FAF1: variants seen among roughly 807,000 people sequenced by gnomAD.
FAF1 encodes Fas associated factor 1.
In FAF1, 25 loss-of-function variants were observed where a neutral mutation model predicts 92.5. The ratio of observed to expected loss-of-function variants is 0.27; its 90% confidence interval spans 0.20 to 0.38. The LOEUF (loss-of-function observed/expected upper bound fraction) is 0.38, where lower values mean the gene tolerates loss of function less well. Ranked by LOEUF, FAF1 falls within the 10% of genes least tolerant of loss-of-function variation. The pLI is 1.00. For synonymous variants in FAF1, 234 were observed against 273.2 expected, an observed-to-expected ratio of 0.86 and a Z score of 1.42; for missense variants, 636 against 793.3, an observed-to-expected ratio of 0.80 and a Z score of 2.38.
intron 1 of FAF1, among the ~76,000 whole-genome samples, chr1:50,913,376 T>C (rs979821258): frequency 1.3e-5 from 2 of 152,162 alleles, no homozygotes; most frequent in Admixed American, 1.3e-4. Context: ...AATAAGAAAA[T>C]ACAAGCTTAA....
chr1:50,700,017 TTAA>T (rs2124413134), intron 7 of FAF1, among the ~76,000 whole-genome samples: 1 of 152,232 alleles, frequency 6.6e-6, no homozygotes, highest in East Asian at 1.9e-4. Context: ...TTCATGGTGC[TTAA>T]ATAGCGCACT....
intron 8 of FAF1, among the ~76,000 whole-genome samples, chr1:50,603,858 G>T (rs918305517): frequency 2.6e-5 from 4 of 152,084 alleles, no homozygotes; most frequent in African/African-American, 9.7e-5. Context: ...GGAACCAACA[G>T]AATATTAAAA....
At chr1:50,800,030 CAT>C (rs1278946988) in intron 3 of FAF1, among the ~76,000 whole-genome samples, 1 of 152,106 alleles carries the variant, frequency 6.6e-6, no homozygotes, top group Non-Finnish European at 1.5e-5. Flanking sequence ...CTCATGTAGA[CAT>C]ATGTTTCATT....
intron 18 of FAF1, among the ~76,000 whole-genome samples, chr1:50,442,120 T>A (rs1646175607): frequency 6.6e-6 from 1 of 152,160 alleles, no homozygotes; most frequent in Admixed American, 6.5e-5. Context: ...ATATGAACTA[T>A]TGAAAGTCAA....
chr1:50,487,247 G>C, intron 17 of FAF1, among the ~76,000 whole-genome samples: 1 of 152,116 alleles, frequency 6.6e-6, no homozygotes, highest in Non-Finnish European at 1.5e-5. Flanking sequence ...CTGATGTTAC[G>C]CACAAAGTAA....
chr1:50,464,073 C>A (rs914328513), intron 18 of FAF1, among the ~76,000 whole-genome samples: 21 of 152,146 alleles, frequency 1.4e-4, no homozygotes, highest in African/African-American at 5.1e-4. Flanking sequence ...TATTCTTTCC[C>A]AGCACAAGGT....
intron 7 of FAF1, among the ~76,000 whole-genome samples, chr1:50,678,486 T>G (rs1249728224): frequency 6.6e-6 from 1 of 152,190 alleles, no homozygotes; most frequent in South Asian, 2.1e-4. Context: ...AGTTGCTTTT[T>G]AAAAAATACA....
At chr1:50,726,734 C>A (rs1048657411) in intron 6 of FAF1, among the ~76,000 whole-genome samples, 2 of 152,080 alleles carry the variant, frequency 1.3e-5, no homozygotes, top group Non-Finnish European at 2.9e-5. Context: ...GAGGCTAAGG[C>A]AGGAGAATGG....
At chr1:50,715,233 T>A (rs1352677609) in intron 6 of FAF1, among the ~76,000 whole-genome samples, 1 of 152,246 alleles carries the variant, frequency 6.6e-6, no homozygotes, top group African/African-American at 2.4e-5. Context: ...GCACTGAGTA[T>A]GCAAAATGCT....
intron 1 of FAF1, among the ~76,000 whole-genome samples, chr1:50,893,097 T>A (rs758745374): frequency 6.6e-6 from 1 of 152,274 alleles, no homozygotes; most frequent in East Asian, 1.9e-4. Context: ...CATATTATCT[T>A]GAATTTCTTT....
intron 4 of FAF1, among the ~76,000 whole-genome samples, chr1:50,752,128 C>T (rs1659893660): frequency 6.6e-6 from 1 of 152,134 alleles, no homozygotes; most frequent in Admixed American, 6.6e-5. Flanking sequence ...TGCCACCACA[C>T]CCAGCTAACT....
At chr1:50,905,512 G>C (rs1303293275) in intron 1 of FAF1, among the ~76,000 whole-genome samples, 1 of 152,130 alleles carries the variant, frequency 6.6e-6, no homozygotes, top group Non-Finnish European at 1.5e-5. Context: ...CAGTGTAAAA[G>C]TATTCCTATT....
intron 2 of FAF1, among the ~76,000 whole-genome samples, chr1:50,855,888 G>A (rs935661214): frequency 4.0e-5 from 6 of 151,748 alleles, no homozygotes; most frequent in African/African-American, 1.4e-4. Flanking sequence ...TTGCATTTCT[G>A]CACAAATATA....
intron 6 of FAF1, among the ~76,000 whole-genome samples, chr1:50,723,946 A>C (rs1658517478): frequency 6.6e-6 from 1 of 151,998 alleles, no homozygotes; most frequent in Non-Finnish European, 1.5e-5. Context: ...ATGGGGTTTC[A>C]CCATGTTGGG....
At chr1:50,923,832 T>G (rs375729019) in intron 1 of FAF1, among the ~76,000 whole-genome samples, 3 of 152,176 alleles carry the variant, frequency 2.0e-5, no homozygotes, top group African/African-American at 7.2e-5. Flanking sequence ...GAATCATATT[T>G]TCATTTAAAT....
chr1:50,514,180 G>A (rs1048515494), intron 15 of FAF1, among the ~76,000 whole-genome samples: 3 of 152,236 alleles, frequency 2.0e-5, no homozygotes, highest in Admixed American at 6.5e-5. Flanking sequence ...ATTCTGCAGA[G>A]TTGTCACCAT....
chr1:50,854,791 G>A (rs1428548562), intron 2 of FAF1, among the ~76,000 whole-genome samples: 5 of 151,734 alleles, frequency 3.3e-5, no homozygotes, highest in Non-Finnish European at 7.4e-5. Flanking sequence ...TAAAATATTT[G>A]CAATCACCGT....
intron 3 of FAF1, among the ~76,000 whole-genome samples, chr1:50,800,814 A>G (rs1263719279): frequency 1.3e-5 from 2 of 152,140 alleles, no homozygotes; most frequent in Non-Finnish European, 2.9e-5. Context: ...CCTCATCCGC[A>G]CTTACCAGAT....
At chr1:50,912,541 C>A (rs1418129692) in intron 1 of FAF1, among the ~76,000 whole-genome samples, 1 of 152,140 alleles carries the variant, frequency 6.6e-6, no homozygotes, top group Admixed American at 6.5e-5. Context: ...TTATACTAAA[C>A]CTTACTAAGC....
Sources: allele counts gnomAD v4.1 joint callset (sites outside exome capture counted in the v4.1 genomes callset), GRCh38; gene constraint gnomAD v4.1.1; transcripts MANE v1.5; gene names NCBI Gene and HGNC (gene_info 2026-07-23, HGNC 2026-07-21).